ZFHX3: variants seen among roughly 807,000 people sequenced by gnomAD.
ZFHX3 encodes the protein zinc finger homeobox protein 3.
In ZFHX3, 42 loss-of-function variants were observed where a neutral mutation model predicts 279.1. The observed-to-expected ratio is 0.15, with a 90% confidence interval of 0.12 to 0.19. ZFHX3 has a LOEUF of 0.19. Among genes scored for constraint, ZFHX3 ranks in the 10% least tolerant of loss-of-function variants. The probability of loss-of-function intolerance (pLI) is 1.00; values close to 1 mark genes in which losing one functional copy is unlikely to be tolerated. For missense variants in ZFHX3, 4,981 were observed against 4,754.0 expected, an observed-to-expected ratio of 1.05 and a Z score of -1.40; for synonymous variants, 2,293 against 1,957.8, an observed-to-expected ratio of 1.17 and a Z score of -4.52.
chr16:73,839,201 G>A (rs922196717), intron 1 of ZFHX3, among the ~76,000 whole-genome samples: 4 of 151,148 alleles, frequency 2.6e-5, no homozygotes, highest in African/African-American at 9.7e-5. Flanking sequence ...TACTAAAAAT[G>A]CAAAAACAAA....
chr16:72,889,855 G>T lies in ZFHX3; in HGVS notation c.3324C>A (p.Arg1108=). ...TCTCGCTTCGCTGGTGCTTCATGGA[G>T]CGCACATGCTGGATGAGGTTGAGCT... is the stretch of plus-strand genomic sequence containing the variant. ...KAKLNLIQHV[R]SMKHQRSESL... is the part of the protein sequence containing the mutation. Residue 1108 remains arginine (R), a synonymous_variant, in exon 4 of 10, where the codon CGC becomes CGA. Transcript: ENST00000268489. 1 of 1,614,178 alleles carries T rather than the reference G, an allele frequency of 6.2e-7. No individual in the cohort carries two copies. Among genetic ancestry groups the T allele is most frequent in the Non-Finnish European group, 8.5e-7 (1 of 1,180,052 alleles).
intron 1 of ZFHX3, among the ~76,000 whole-genome samples, chr16:73,692,470 A>C (rs1478973239): frequency 6.6e-6 from 1 of 152,142 alleles, no homozygotes; most frequent in Non-Finnish European, 1.5e-5. Context: ...ATTCCTAGAG[A>C]GAAGGGAGGG....
At chr16:73,561,525 T>A (rs1288169350) in intron 2 of ZFHX3, among the ~76,000 whole-genome samples, 1 of 152,122 alleles carries the variant, frequency 6.6e-6, no homozygotes, top group African/African-American at 2.4e-5. Context: ...TGCTCCACCA[T>A]ATTTTGCCAC....
intron 2 of ZFHX3, among the ~76,000 whole-genome samples, chr16:73,668,988 T>G (rs2052874157): frequency 6.6e-6 from 1 of 152,036 alleles, no homozygotes; most frequent in African/African-American, 2.4e-5. Flanking sequence ...TGGAAGACAG[T>G]GTGATCTTTG....
rs112284085 is a variant in ZFHX3 at position 73,438,080 on chromosome 16, TA to T, written c.-1291+17922del. On this transcript the variant is annotated intron_variant, in intron 3 of 17. Transcript: ENST00000641206. The stretch of plus-strand genomic sequence containing the variant: ...AGTGGTTCTGGGATCGCTCTAAACC[TA>T]AAAAAAAAAATGGCAAATGTGGGTC... Among the ~76,000 whole-genome samples, 527 of 145,682 alleles carry T rather than the reference TA, an allele frequency of 3.6e-3. 5 individuals carry two copies. The highest frequency in any genetic ancestry group is 0.011 in the African/African-American group (445 of 40,086).
rs1555539738 is a variant in ZFHX3, at chr16:73,003,519, C to CCA, written c.-49-43326_-49-43325insTG. ...CCTGGCCAACATGGTGAGACCCCCC[C>CCA]CTCCCCACCCCGCCCCATCTCTTAA... On this transcript the variant is annotated intron_variant, in intron 1 of 9. Coordinates refer to ENST00000268489, the MANE Select transcript of ZFHX3 (RefSeq NM_006885.4). Among the ~76,000 whole-genome samples the CCA allele has an allele frequency of 7.6e-4, 109 of 144,350 alleles. 3 individuals are homozygous for CCA. The highest frequency in any genetic ancestry group is 7.0e-3 in the Middle Eastern group (2 of 286). The allele number at this position is 144,350 out of a possible 152,430, so 94.7% of individuals were successfully genotyped here. A position where few individuals can be genotyped will look rare whatever the true frequency, so the allele number is the denominator to read the frequency against.
intron 4 of ZFHX3, among the ~76,000 whole-genome samples, chr16:73,291,667 G>A (rs2014774444): frequency 6.6e-6 from 1 of 152,178 alleles, no homozygotes. Context: ...TGGTAAGCAG[G>A]TGTATTGCCC....
At chr16:73,378,958 G>C (rs1464438613) in intron 3 of ZFHX3, among the ~76,000 whole-genome samples, 1 of 152,120 alleles carries the variant, frequency 6.6e-6, no homozygotes. Flanking sequence ...TCTAACTGAA[G>C]TGTAAAACTC....
At chr16:73,733,031 G>A (rs1250646340) in intron 1 of ZFHX3, among the ~76,000 whole-genome samples, 2 of 152,124 alleles carry the variant, frequency 1.3e-5, no homozygotes, top group Non-Finnish European at 2.9e-5. Context: ...TTAATGTTAG[G>A]TGATGCTTTT....
At chr16:72,789,600 A>C (rs1159352692) in intron 9 of ZFHX3, 1 of 152,340 alleles carries the variant, frequency 6.6e-6, no homozygotes, top group African/African-American at 2.4e-5. Context: ...CTGTTGCTGC[A>C]GCTGACTGGA....
intron 2 of ZFHX3, among the ~76,000 whole-genome samples, chr16:73,539,025 A>G (rs2019961690): frequency 6.6e-6 from 1 of 152,220 alleles, no homozygotes; most frequent in South Asian, 2.1e-4. Context: ...GGTATGATCC[A>G]GAGAGGGAAG....
chr16:73,033,613 C>T (rs1835367677), intron 1 of ZFHX3, among the ~76,000 whole-genome samples: 1 of 152,162 alleles, frequency 6.6e-6, no homozygotes. Context: ...GCTCTGTCCC[C>T]AGCAGAGGCC....
intron 1 of ZFHX3, among the ~76,000 whole-genome samples, chr16:73,814,136 G>A (rs1960498980): frequency 6.6e-6 from 1 of 152,148 alleles, no homozygotes; most frequent in Non-Finnish European, 1.5e-5. Context: ...TGCTGAATGG[G>A]ATCTGTACCT....
chr16:73,868,997 A>G (rs949348415), intron 1 of ZFHX3, among the ~76,000 whole-genome samples: 5 of 152,134 alleles, frequency 3.3e-5, no homozygotes, highest in Admixed American at 6.6e-5. Flanking sequence ...AAAATGGTCA[A>G]TGTTGTCCTG....
intron 5 of ZFHX3, among the ~76,000 whole-genome samples, chr16:73,191,328 CGCTGGGCAAGGAGGCGGTGATGATATT>C (rs1968028597): frequency 6.6e-6 from 1 of 152,096 alleles, no homozygotes; most frequent in Non-Finnish European, 1.5e-5. Context: ...CAGGTCTGTT[CGCTGGGCAAGGAGGCGGTGATGATATT>C]GCTTCTAACA....
chr16:73,555,930 A>G (rs558758412), intron 2 of ZFHX3, among the ~76,000 whole-genome samples: 8 of 152,252 alleles, frequency 5.3e-5, no homozygotes, highest in African/African-American at 1.7e-4. Context: ...AAATTAAATT[A>G]CATTTTGTTT....
At chr16:73,125,949 G>T (rs1317875106) in intron 7 of ZFHX3, among the ~76,000 whole-genome samples, 1 of 152,058 alleles carries the variant, frequency 6.6e-6, no homozygotes, top group African/African-American at 2.4e-5. Context: ...CTCAGTCAAG[G>T]TCATACAGTA....
At chr16:72,982,717 C>A (rs1334128859) in intron 1 of ZFHX3, among the ~76,000 whole-genome samples, 1 of 152,112 alleles carries the variant, frequency 6.6e-6, no homozygotes, top group African/African-American at 2.4e-5. Context: ...CACTAAAGCA[C>A]CAAGTGCTGA....
chr16:73,663,091 G>A (rs945542883), intron 2 of ZFHX3, among the ~76,000 whole-genome samples: 2 of 152,222 alleles, frequency 1.3e-5, no homozygotes, highest in Admixed American at 1.3e-4. Flanking sequence ...AAAGAAAAGA[G>A]GTTGGGTTGA....
Sources: gnomAD v4.1 joint callset for allele counts (sites outside exome capture counted in the v4.1 genomes callset) on GRCh38, gnomAD v4.1.1 for gene constraint, MANE v1.5 for transcripts, NCBI Gene and HGNC (gene_info 2026-07-23, HGNC 2026-07-21) for gene names.